Variants in ALS2 observed in about 807,000 individuals in gnomAD.
The protein encoded by ALS2 is alsin.
Under a neutral mutation model 203.4 loss-of-function variants are expected in ALS2, and 117 were observed. The ratio of observed to expected loss-of-function variants is 0.58; its 90% CI spans 0.50 to 0.67. The LOEUF is 0.67. ALS2 is among the 30% of genes least tolerant of loss of function. ALS2 has a pLI of 0.00. For missense variants in ALS2, 1,715 were observed against 1,989.4 expected, an observed-to-expected ratio of 0.86 and a Z score of 2.62; for synonymous variants, 718 against 725.9, an observed-to-expected ratio of 0.99 and a Z score of 0.17.
chr2:201,716,705 A>T (rs1472565734), intron 24 of ALS2: 1 of 148,104 alleles, frequency 6.8e-6, no homozygotes, highest in African/African-American at 2.5e-5. Context: ...ACAAAGTGAG[A>T]CTCCATCTCA....
chr2:201,764,993 A>G (rs971310226), intron 3 of ALS2, among the ~76,000 whole-genome samples: 5 of 151,956 alleles, frequency 3.3e-5, no homozygotes, highest in African/African-American at 1.2e-4. Context: ...TTATAGTCGA[A>G]TAACTTTTTT....
chr2:201,744,558 A>G lies in ALS2; in HGVS notation c.1999-129T>C, dbSNP rs930883418. On this transcript the variant is annotated intron_variant, in intron 9 of 33. Coordinates refer to ENST00000264276, the MANE Select transcript of ALS2 (RefSeq NM_020919.4). ...ATATTCAGAAAATTTGCAAGCAAGTAATTAAACCATTGGCAGCTTGAAAAT... is the reference window on the plus strand; with the variant it reads ...ATATTCAGAAAATTTGCAAGCAAGTGATTAAACCATTGGCAGCTTGAAAAT... 6 of 992,496 alleles carry G rather than the reference A, an allele frequency of 6.0e-6. No homozygotes were observed. In the African/African-American group the frequency reaches 8.1e-5, roughly 13 times the overall value. The allele number at this position is 992,496 out of a possible 1,614,324, so 61.5% of individuals were successfully genotyped here. A position where few individuals can be genotyped will look rare whatever the true frequency, so the allele number is the denominator to read the frequency against.
intron 1 of ALS2, among the ~76,000 whole-genome samples, chr2:201,771,236 G>C (rs1489147089): frequency 6.6e-6 from 1 of 151,768 alleles, no homozygotes; most frequent in African/African-American, 2.4e-5. Context: ...TAGTAGAGAC[G>C]GGGTTTCACC....
At chr2:201,758,436 C>G (rs769218381) in intron 4 of ALS2, among the ~76,000 whole-genome samples, 1 of 152,078 alleles carries the variant, frequency 6.6e-6, no homozygotes, top group South Asian at 2.1e-4. Context: ...CCACAGATGG[C>G]AAATGTGGTA....
Position 201,720,267 on chromosome 2 carries a change from C to A in ALS2, c.3703-2057G>T, listed in dbSNP as rs77325838. 5.0e-3 allele frequency: 1,626 copies of A among 324,022 alleles called. 26 individuals carry two copies. Among genetic ancestry groups the A allele is most frequent in the African/African-American group, 0.034 (1,499 of 43,726 alleles). The allele number at this position is 324,022 out of a possible 1,614,324, so 20.1% of individuals were successfully genotyped here. On this transcript the variant is annotated intron_variant, in intron 23 of 33. Coordinates refer to ENST00000264276, the MANE Select transcript of ALS2 (RefSeq NM_020919.4). ...ACCAACATATAAAAAAAATTATACA[C>A]CATGACCAAGTACAATTCATCCCAG...
At chr2:201,719,445 TG>T (rs1476615716) in intron 23 of ALS2, among the ~76,000 whole-genome samples, 28 of 152,052 alleles carry the variant, frequency 1.8e-4, no homozygotes, top group African/African-American at 6.8e-4. Flanking sequence ...AAAAATTAGC[TG>T]GGCACGGTGG....
chr2:201,727,058 C>T lies in ALS2; in HGVS notation c.2979+154G>A, dbSNP rs982217644. On this transcript the variant is annotated intron_variant, in intron 17 of 33. Transcript: ENST00000264276. ...AATTAAGTCACATTAAAAAAAAAAA[C>T]AATGAAGAACCTACAGTTTTGGGTT... is the stretch of plus-strand genomic sequence containing the variant. Among the ~76,000 whole-genome samples the T allele has an allele frequency of 2.1e-5, 3 of 141,322 alleles. No homozygotes were observed. The East Asian group carries it at 6.7e-4, about 32-fold the overall frequency. 92.7% of individuals were successfully genotyped at this position (141,322 alleles called of 152,430 possible).
intron 8 of ALS2, 95 bp from the exon 9 acceptor site, chr2:201,746,843 G>C: frequency 1.4e-6 from 2 of 1,404,548 alleles, no homozygotes; most frequent in East Asian, 2.3e-5. Context: ...GCTTAAATAA[G>C]CGTGGTGCAG....
intron 13 of ALS2, among the ~76,000 whole-genome samples, chr2:201,732,868 A>G (rs181912053): frequency 6.6e-6 from 1 of 152,332 alleles, no homozygotes; most frequent in Admixed American, 6.5e-5. Flanking sequence ...CATAAAGTCT[A>G]GCATGAATCC....
chr2:201,705,250 A>ACAGTATCATTTATTTCTGTTGTTG, intron 30 of ALS2, 50 bp from the exon 31 acceptor site: 1 of 1,568,100 alleles, frequency 6.4e-7, no homozygotes, highest in Non-Finnish European at 8.8e-7. Flanking sequence ...TTCTGCAACA[A>ACAGTATCATTTATTTCTGTTGTTG]CAGAAATAAA....
rs560698321 is a variant in ALS2, at chr2:201,737,161, G to A, written c.2417+1509C>T. The stretch of plus-strand genomic sequence containing the variant: ...ACTTTTTTGTCACTAATCCCTAAAC[G>A]ATACCATATTACAACTATTTATATA... On this transcript the variant is annotated intron_variant, in intron 12 of 33. Transcript: ENST00000264276. 7.2e-5 allele frequency among the ~76,000 whole-genome samples: 11 copies of A among 152,142 alleles called. No homozygotes were observed. In the East Asian group the frequency reaches 1.4e-3, roughly 19 times the overall value.
chr2:201,744,629 T>TG (rs996740131), intron 9 of ALS2, among the ~76,000 whole-genome samples, 200 bp from the exon 10 acceptor site: 4 of 152,156 alleles, frequency 2.6e-5, no homozygotes, highest in Admixed American at 6.5e-5. Flanking sequence ...GGGTTTTTTT[T>TG]GGGGGGGTCG....
chr2:201,715,291 T>C (rs116040300), intron 25 of ALS2, among the ~76,000 whole-genome samples: 1 of 152,258 alleles, frequency 6.6e-6, no homozygotes, highest in African/African-American at 2.4e-5. Flanking sequence ...AGAGGGATTT[T>C]TTCTGTATCC....
At chr2:201,738,769 T>C in intron 11 of ALS2, 34 bp from the exon 12 acceptor site, 1 of 1,549,592 alleles carries the variant, frequency 6.5e-7, no homozygotes, top group Non-Finnish European at 8.9e-7. Flanking sequence ...GTACATTAGT[T>C]GAAATGTAAA....
chr2:201,767,871 A>G (rs1290854103), intron 2 of ALS2, among the ~76,000 whole-genome samples: 1 of 151,152 alleles, frequency 6.6e-6, no homozygotes, highest in African/African-American at 2.4e-5. Context: ...CTGTCTAAAA[A>G]AAAAAAAAAA....
intron 8 of ALS2, among the ~76,000 whole-genome samples, chr2:201,747,737 C>T (rs1272356618): frequency 6.6e-6 from 1 of 152,288 alleles, no homozygotes; most frequent in East Asian, 1.9e-4. Context: ...GCGTGAGCTA[C>T]CGCGCCCAGC....
At chr2:201,738,534 T>C in intron 12 of ALS2, 136 bp downstream of exon 12, 1 of 820,076 alleles carries the variant, frequency 1.2e-6, no homozygotes, top group Non-Finnish European at 2.1e-6. Flanking sequence ...TTTATAAGAC[T>C]TACTGAAAGT....
At position 201,767,391 on chromosome 2, in the gene ALS2, A is replaced by C; in HGVS notation, c.21-8T>G. On this transcript the variant is annotated splice_region_variant and splice_polypyrimidine_tract_variant and intron_variant, in intron 2 of 33. Transcript: ENST00000264276. ...CCTTCTGCCTCTGTTGAGCTAAAACATCAAGAAACATAGCTTAATTGTTTC... is the reference window on the plus strand; with the variant it reads ...CCTTCTGCCTCTGTTGAGCTAAAACCTCAAGAAACATAGCTTAATTGTTTC... The C allele has an allele frequency of 1.2e-6, 2 of 1,613,956 alleles. No homozygotes were observed. The highest frequency in any genetic ancestry group is 1.1e-5 in the South Asian group (1 of 91,044).
chr2:201,761,717 C>T lies in ALS2; in HGVS notation c.277G>A (p.Val93Ile). 2 of 1,614,138 alleles carry T rather than the reference C, an allele frequency of 1.2e-6. No individual in the cohort carries two copies. The change falls in exon 4 of 34, where the codon GTT (valine) becomes ATT (isoleucine). Residue 93 changes from valine to isoleucine, a missense_variant. Physicochemically the swap from Val to Ile is conservative, Grantham distance 29. Around this residue, in one of 3 missense-constraint regions of ALS2, gnomAD observed 476 missense variants for 539.3 expected, o/e 0.88. Coordinates refer to ENST00000264276, the MANE Select transcript of ALS2 (RefSeq NM_020919.4). ...ILENALVGQY[V>I]ITVATGSFHS... ...AAGCTTCCTGTTGCCACAGTAATAA[C>T]ATATTGCCCAACCAGGGCATTTTCT...
Sources: gnomAD v4.1 joint callset for allele counts (sites outside exome capture counted in the v4.1 genomes callset) on GRCh38, gnomAD v4.1.1 for gene constraint, gnomAD v4.1.1 regional missense constraint, MANE v1.5 for transcripts, NCBI Gene and HGNC (gene_info 2026-07-23, HGNC 2026-07-21) for gene names.